Variants in CACNA2D1 observed in about 807,000 individuals in gnomAD.
The protein encoded by CACNA2D1 is voltage-dependent calcium channel subunit alpha-2/delta-1.
In CACNA2D1, 53 loss-of-function variants were observed where a neutral mutation model predicts 171.5. The ratio of observed to expected loss-of-function variants is 0.31; its 90% CI spans 0.25 to 0.39. CACNA2D1 has a LOEUF of 0.39. Ranked by LOEUF, CACNA2D1 falls within the 10% of genes least tolerant of loss-of-function variation. CACNA2D1 has a pLI of 1.00. For missense variants in CACNA2D1, 903 were observed against 1,299.8 expected (o/e 0.69, Z 4.69); for synonymous variants, 442 against 443.1 (o/e 1.00, Z 0.03).
intron 36 of CACNA2D1, among the ~76,000 whole-genome samples, chr7:81,960,886 G>A (rs536457439): frequency 2.0e-5 from 3 of 151,940 alleles, no homozygotes; most frequent in African/African-American, 7.2e-5. Flanking sequence ...TTTTTTCTGA[G>A]TTCATGCTTG....
At chr7:82,056,461 G>A (rs1018915266) in intron 10 of CACNA2D1, among the ~76,000 whole-genome samples, 2 of 152,134 alleles carry the variant, frequency 1.3e-5, no homozygotes, top group Admixed American at 6.5e-5. Context: ...GGGTAGATAA[G>A]ATGATCTGTC....
chr7:82,299,855 A>G (rs1812786453), intron 3 of CACNA2D1, among the ~76,000 whole-genome samples: 2 of 152,168 alleles, frequency 1.3e-5, no homozygotes, highest in South Asian at 2.1e-4. Flanking sequence ...GAAAAAACCT[A>G]TATTTTACTC....
At chr7:82,325,757 G>A (rs1170900671) in intron 3 of CACNA2D1, among the ~76,000 whole-genome samples, 1 of 152,132 alleles carries the variant, frequency 6.6e-6, no homozygotes, top group Non-Finnish European at 1.5e-5. Context: ...ACACACAAGG[G>A]AACACCAAGT....
At chr7:82,288,948 C>G (rs750165746) in intron 3 of CACNA2D1, among the ~76,000 whole-genome samples, 1 of 152,108 alleles carries the variant, frequency 6.6e-6, no homozygotes, top group Non-Finnish European at 1.5e-5. Flanking sequence ...CTGTAATGAA[C>G]GCAGCCCATA....
At chr7:82,143,342 A>T (rs115333470) in intron 4 of CACNA2D1, among the ~76,000 whole-genome samples, 3,645 of 152,280 alleles carry the variant, frequency 0.024, 136 homozygotes, top group African/African-American at 0.082. Flanking sequence ...CATGGCACAC[A>T]ATATATGCCC....
chr7:81,986,852 A>C (rs1486751190), intron 21 of CACNA2D1, among the ~76,000 whole-genome samples: 3 of 152,178 alleles, frequency 2.0e-5, no homozygotes, highest in Non-Finnish European at 4.4e-5. Context: ...TTCACTTGCC[A>C]TTTACAAAAT....
intron 15 of CACNA2D1, among the ~76,000 whole-genome samples, chr7:82,008,002 T>C (rs1799313374): frequency 6.6e-6 from 1 of 152,110 alleles, no homozygotes; most frequent in Non-Finnish European, 1.5e-5. Context: ...TCCTCTAAGA[T>C]AACTTCAAAA....
At chr7:82,268,738 A>T (rs1250466100) in intron 3 of CACNA2D1, among the ~76,000 whole-genome samples, 2 of 151,944 alleles carry the variant, frequency 1.3e-5, no homozygotes, top group Admixed American at 6.6e-5. Flanking sequence ...AAAAAAAAAA[A>T]AGACACAATT....
At chr7:82,324,054 T>C (rs1816325517) in intron 3 of CACNA2D1, among the ~76,000 whole-genome samples, 1 of 152,066 alleles carries the variant, frequency 6.6e-6, no homozygotes, top group Admixed American at 6.6e-5. Context: ...CACTGAGAGA[T>C]TTAAAACAGA....
In CACNA2D1 at chr7:82,043,493, T is replaced by G. The variant is rs568296749; in HGVS notation, c.880-5258A>C. The stretch of plus-strand genomic sequence containing the variant: ...GATGATACAAGTGTCCCTCAAACAT[T>G]AGTTTGGTGTTTGAAACAGTTTCTG... On this transcript the variant is annotated intron_variant, in intron 10 of 38. Transcript: ENST00000356860. 6.6e-5 allele frequency among the ~76,000 whole-genome samples: 10 copies of G among 152,284 alleles called. 1 individual carries two copies. In the East Asian group the frequency reaches 1.7e-3, roughly 26 times the overall value.
intron 38 of CACNA2D1, among the ~76,000 whole-genome samples, chr7:81,953,393 TCTC>T: frequency 6.6e-6 from 1 of 152,078 alleles, no homozygotes; most frequent in South Asian, 2.1e-4. Context: ...CTTCCCACCT[TCTC>T]CTCTCCCGCC....
At chr7:81,984,961 C>T (rs1027309495) in intron 21 of CACNA2D1, among the ~76,000 whole-genome samples, 10 of 152,030 alleles carry the variant, frequency 6.6e-5, no homozygotes, top group Non-Finnish European at 1.3e-4. Context: ...CCTGAATGAA[C>T]CCATAAATTA....
intron 36 of CACNA2D1, among the ~76,000 whole-genome samples, chr7:81,960,352 A>C (rs1245901911): frequency 1.3e-5 from 2 of 152,176 alleles, no homozygotes; most frequent in East Asian, 3.9e-4. Flanking sequence ...TTGGGCACTT[A>C]AAATGTGACA....
chr7:82,228,980 T>C (rs77764058), intron 3 of CACNA2D1, among the ~76,000 whole-genome samples: 1 of 152,282 alleles, frequency 6.6e-6, no homozygotes, highest in Non-Finnish European at 1.5e-5. Flanking sequence ...TAATGTTAGC[T>C]TGAGAATGAC....
At chr7:82,012,848 G>A (rs1799963325) in intron 14 of CACNA2D1, among the ~76,000 whole-genome samples, 2 of 152,030 alleles carry the variant, frequency 1.3e-5, no homozygotes, top group Non-Finnish European at 2.9e-5. Flanking sequence ...CTTCAGCTAT[G>A]TTTAAAAAGG....
At chr7:82,368,449 A>G (rs1233913488) in intron 1 of CACNA2D1, among the ~76,000 whole-genome samples, 1 of 152,234 alleles carries the variant, frequency 6.6e-6, no homozygotes. Context: ...ATTCAAAGTC[A>G]TAAGTAGATT....
intron 3 of CACNA2D1, among the ~76,000 whole-genome samples, chr7:82,201,355 A>C (rs1003091582): frequency 6.6e-6 from 1 of 152,238 alleles, no homozygotes; most frequent in African/African-American, 2.4e-5. Flanking sequence ...GTTCTCATGC[A>C]TCTAGTCACA....
intron 16 of CACNA2D1, 156 bp downstream of exon 16, chr7:82,007,523 A>G (rs879276021): frequency 1.7e-6 from 1 of 585,046 alleles, no homozygotes; most frequent in Non-Finnish European, 3.1e-6. Context: ...CCTTTTTCCC[A>G]GGTGGTTATC....
intron 1 of CACNA2D1, among the ~76,000 whole-genome samples, chr7:82,404,453 T>C (rs1175181585): frequency 1.3e-5 from 2 of 152,148 alleles, no homozygotes; most frequent in African/African-American, 4.8e-5. Context: ...TTCAAATAAG[T>C]TAGGGAAGAA....
Sources: allele counts gnomAD v4.1 joint callset (sites outside exome capture counted in the v4.1 genomes callset), GRCh38; gene constraint gnomAD v4.1.1; transcripts MANE v1.5; gene names NCBI Gene and HGNC (gene_info 2026-07-23, HGNC 2026-07-21).